The following TRAF3 variants were observed in gnomAD, a reference collection of about 807,000 sequenced individuals.
The protein encoded by TRAF3 is TNF receptor associated factor 3, also known as TNF receptor-associated factor 3.
A neutral mutation model predicts 62.3 loss-of-function variants in TRAF3; 13 were observed. That is an observed-to-expected ratio of 0.21 (90% confidence interval 0.14 to 0.33). The LOEUF (loss-of-function observed/expected upper bound fraction) is 0.33. Ranked by LOEUF, TRAF3 falls within the 10% of genes least tolerant of loss-of-function variation. TRAF3 has a pLI of 1.00. For missense variants in TRAF3, 440 were observed against 741.8 expected (o/e 0.59, Z 4.73); for synonymous variants, 269 against 283.4 (o/e 0.95, Z 0.51).
chr14:102,804,323 G>C (rs1394331161), intron 1 of TRAF3, among the ~76,000 whole-genome samples: 1 of 152,086 alleles, frequency 6.6e-6, no homozygotes, highest in African/African-American at 2.4e-5. Context: ...CTCCATGACT[G>C]ACCTTGGCTA....
intron 2 of TRAF3, among the ~76,000 whole-genome samples, chr14:102,831,209 T>G (rs889110736): frequency 6.6e-6 from 1 of 152,200 alleles, no homozygotes; most frequent in Non-Finnish European, 1.5e-5. Flanking sequence ...GCTATGTGAC[T>G]GCTGAGTTAG....
At chr14:102,842,435 C>T (rs1429323972) in intron 2 of TRAF3, among the ~76,000 whole-genome samples, 1 of 151,782 alleles carries the variant, frequency 6.6e-6, no homozygotes, top group Non-Finnish European at 1.5e-5. Flanking sequence ...TAGAAGCTTT[C>T]CAAAGCACAG....
intron 11 of TRAF3, among the ~76,000 whole-genome samples, chr14:102,904,879 A>G (rs1890506135): frequency 1.3e-5 from 2 of 150,780 alleles, no homozygotes; most frequent in Non-Finnish European, 2.9e-5. Context: ...TGGGAGATCG[A>G]GGCAGGTGGA....
chr14:102,850,181 C>T (rs1285119665), intron 2 of TRAF3, among the ~76,000 whole-genome samples: 1 of 152,174 alleles, frequency 6.6e-6, no homozygotes, highest in Non-Finnish European at 1.5e-5. Flanking sequence ...CAGTCCACCT[C>T]TTTGCTGTAC....
rs751070927 is a variant in TRAF3 at position 102,871,979 on chromosome 14, G to GT, written c.297+19dup. On this transcript the variant is annotated intron_variant, in intron 4 of 11. Transcript: ENST00000392745. ...ATCGTTAAAGATAAGGTATTCTGGG[G>GT]TTTTTTTTAATCATTTTGTCACATG... 1.1e-5 allele frequency: 18 copies of GT among 1,612,178 alleles called. No individual in the cohort carries two copies. The highest frequency in any genetic ancestry group is 1.6e-4 in the Middle Eastern group (1 of 6,080).
chr14:102,802,154 A>T (rs1277857568), intron 1 of TRAF3, among the ~76,000 whole-genome samples: 46 of 81,062 alleles, frequency 5.7e-4, no homozygotes, highest in African/African-American at 1.8e-3. Flanking sequence ...ACCTGGACTC[A>T]TTTTTTTTTT....
intron 9 of TRAF3, among the ~76,000 whole-genome samples, chr14:102,893,391 A>C (rs1889832788): frequency 6.6e-6 from 1 of 151,462 alleles, no homozygotes; most frequent in African/African-American, 2.4e-5. Flanking sequence ...CTGTCTCAAA[A>C]AAAAAAAAAA....
intron 6 of TRAF3, among the ~76,000 whole-genome samples, chr14:102,878,638 T>C (rs921338667): frequency 3.3e-5 from 5 of 152,064 alleles, no homozygotes; most frequent in Non-Finnish European, 7.4e-5. Context: ...ATCAGTTCCA[T>C]GAATAAAAAT....
intron 1 of TRAF3, among the ~76,000 whole-genome samples, chr14:102,789,737 T>C (rs1365422642): frequency 2.0e-5 from 3 of 152,178 alleles, no homozygotes; most frequent in Admixed American, 6.6e-5. Context: ...TGTCTTTTCA[T>C]GTGACTCTTG....
chr14:102,830,102 C>G (rs1318224717), intron 1 of TRAF3, among the ~76,000 whole-genome samples: 2 of 152,196 alleles, frequency 1.3e-5, no homozygotes, highest in African/African-American at 4.8e-5. Flanking sequence ...AGGTTGGAGC[C>G]TGGTGGTTGC....
chr14:102,818,601 C>T (rs1899690800), intron 1 of TRAF3, among the ~76,000 whole-genome samples: 1 of 152,168 alleles, frequency 6.6e-6, no homozygotes. Flanking sequence ...ACCATTTGAC[C>T]AGTACCTCTC....
chr14:102,791,794 G>T (rs1438171255), intron 1 of TRAF3, among the ~76,000 whole-genome samples: 1 of 151,282 alleles, frequency 6.6e-6, no homozygotes, highest in African/African-American at 2.4e-5. Flanking sequence ...TATGAAGTTA[G>T]CTGTGTTTTC....
chr14:102,829,372 C>T (rs1900521406), intron 1 of TRAF3, among the ~76,000 whole-genome samples: 1 of 152,204 alleles, frequency 6.6e-6, no homozygotes, highest in South Asian at 2.1e-4. Flanking sequence ...CCAGAGTAGT[C>T]CATTGAGCTC....
chr14:102,809,671 C>T (rs968828029), intron 1 of TRAF3, among the ~76,000 whole-genome samples: 1 of 151,696 alleles, frequency 6.6e-6, no homozygotes, highest in Admixed American at 6.6e-5. Flanking sequence ...GCTGGGACCA[C>T]AGGCGCTCGC....
intron 10 of TRAF3, among the ~76,000 whole-genome samples, chr14:102,898,314 A>G (rs962143293): frequency 1.3e-5 from 2 of 152,260 alleles, no homozygotes; most frequent in Admixed American, 6.5e-5. Flanking sequence ...ACAATGAAAC[A>G]TTAGATTGTA....
chr14:102,799,304 A>T (rs532357098), intron 1 of TRAF3, among the ~76,000 whole-genome samples: 1 of 152,200 alleles, frequency 6.6e-6, no homozygotes, highest in East Asian at 1.9e-4. Flanking sequence ...ACTACCACTC[A>T]TGTTCTTTTC....
chr14:102,832,519 C>A (rs1030222348), intron 2 of TRAF3, among the ~76,000 whole-genome samples: 1 of 152,078 alleles, frequency 6.6e-6, no homozygotes, highest in Admixed American at 6.5e-5. Flanking sequence ...ACTAAAAATA[C>A]AAATATGAGC....
At chr14:102,889,356 C>A (rs878868646) in intron 7 of TRAF3, among the ~76,000 whole-genome samples, 1 of 152,144 alleles carries the variant, frequency 6.6e-6, no homozygotes, top group Admixed American at 6.5e-5. Context: ...TAAATGTATT[C>A]TTGTATATTG....
At chr14:102,799,336 T>C (rs531538505) in intron 1 of TRAF3, among the ~76,000 whole-genome samples, 1 of 152,356 alleles carries the variant, frequency 6.6e-6, no homozygotes, top group Admixed American at 6.5e-5. Context: ...CTCGTGAGCA[T>C]AATTCAGAAT....
Sources: gnomAD v4.1 joint callset for allele counts (sites outside exome capture counted in the v4.1 genomes callset) on GRCh38, gnomAD v4.1.1 for gene constraint, MANE v1.5 for transcripts, NCBI Gene and HGNC (gene_info 2026-07-23, HGNC 2026-07-21) for gene names.